The following PLPP4 variants were observed in gnomAD, a reference collection of about 807,000 sequenced individuals.
PLPP4 encodes phospholipid phosphatase 4, also known as diacylglycerol pyrophosphate like 2.
A neutral mutation model predicts 32.2 loss-of-function variants in PLPP4; 20 were observed. The observed-to-expected ratio is 0.62, with a 90% CI of 0.44 to 0.90. PLPP4 has a LOEUF of 0.90. PLPP4 is among the 40% of genes least tolerant of loss of function. The pLI is 0.00. For synonymous variants in PLPP4, 127 were observed against 133.0 expected, an observed-to-expected ratio of 0.95 and a Z score of 0.31; for missense variants, 257 against 353.1, an observed-to-expected ratio of 0.73 and a Z score of 2.18.
At chr10:120,588,035 A>T (rs895275723) in intron 6 of PLPP4, among the ~76,000 whole-genome samples, 1 of 152,240 alleles carries the variant, frequency 6.6e-6, no homozygotes, top group African/African-American at 2.4e-5. Context: ...ATCACGGACC[A>T]GTGCAACTGC....
At chr10:120,516,493 C>T (rs1364997595) in intron 3 of PLPP4, among the ~76,000 whole-genome samples, 4 of 119,628 alleles carry the variant, frequency 3.3e-5, no homozygotes, top group African/African-American at 1.3e-4. Flanking sequence ...TATAAAAGCA[C>T]GATAGTGCTG....
At chr10:120,580,867 G>A (rs1297472737) in intron 6 of PLPP4, 1 of 1,288,530 alleles carries the variant, frequency 7.8e-7, no homozygotes, top group South Asian at 1.2e-5. Context: ...CAGCCCAAGT[G>A]AATTGATGTC....
chr10:120,545,444 T>A (rs370120759), intron 5 of PLPP4, among the ~76,000 whole-genome samples: 10 of 152,220 alleles, frequency 6.6e-5, no homozygotes, highest in East Asian at 3.8e-4. Flanking sequence ...GCCCTGATAG[T>A]TTTTCTGGCC....
At chr10:120,463,026 T>C (rs1206444403) in intron 1 of PLPP4, among the ~76,000 whole-genome samples, 4 of 141,998 alleles carry the variant, frequency 2.8e-5, no homozygotes, top group South Asian at 2.4e-4. Context: ...TTTCTTTTTT[T>C]TTTTTTTTTT....
intron 5 of PLPP4, among the ~76,000 whole-genome samples, chr10:120,545,593 CTCT>C (rs979364969): frequency 4.6e-5 from 7 of 152,198 alleles, no homozygotes; most frequent in Non-Finnish European, 8.8e-5. Context: ...CTCACTTGTC[CTCT>C]TCTGCTGGTA....
intron 6 of PLPP4, among the ~76,000 whole-genome samples, chr10:120,580,115 CAAAAAAA>C (rs10609637): frequency 0.25 from 22,981 of 92,558 alleles, 2,062 homozygotes; most frequent in Middle Eastern, 0.34. Context: ...GCGAGACTCT[CAAAAAAA>C]AAAAAAAAAA....
At chr10:120,559,605 G>A (rs1589880573) in intron 5 of PLPP4, among the ~76,000 whole-genome samples, 1 of 151,376 alleles carries the variant, frequency 6.6e-6, no homozygotes, top group Non-Finnish European at 1.5e-5. Context: ...CTGTGAGGGT[G>A]CACTTATATG....
In PLPP4 at chr10:120,524,878, G is replaced by T. The variant is rs952190134; in HGVS notation, c.445+3783G>T. Among the ~76,000 whole-genome samples, 3 of 152,194 alleles carry T rather than the reference G, an allele frequency of 2.0e-5. No homozygotes were observed. In the South Asian group the frequency reaches 6.2e-4, roughly 31 times the overall value. On this transcript the variant is annotated intron_variant, in intron 5 of 6. Transcript: ENST00000398250. ...GAAAAGAGAATTTGTCTCTCAGAGC[G>T]TAATCCCGATTTTTTATTGAGTACT... is the stretch of plus-strand genomic sequence containing the variant.
chr10:120,486,739 A>C (rs1399257355), intron 1 of PLPP4, among the ~76,000 whole-genome samples: 1 of 152,146 alleles, frequency 6.6e-6, no homozygotes, highest in Non-Finnish European at 1.5e-5. Flanking sequence ...AGTGGTGTCC[A>C]CTCCTTGACC....
intron 1 of PLPP4, among the ~76,000 whole-genome samples, chr10:120,479,043 G>A (rs918304682): frequency 3.5e-4 from 54 of 152,262 alleles, no homozygotes; most frequent in Middle Eastern, 3.4e-3. Context: ...TGGCTAACAT[G>A]GTGAAACCCC....
intron 1 of PLPP4, among the ~76,000 whole-genome samples, chr10:120,459,135 C>A (rs1384739547): frequency 6.6e-6 from 1 of 152,178 alleles, no homozygotes; most frequent in Admixed American, 6.5e-5. Flanking sequence ...GTAATTATTG[C>A]TTATGCGCGT....
At chr10:120,471,306 G>A (rs1020720645) in intron 1 of PLPP4, among the ~76,000 whole-genome samples, 1 of 151,474 alleles carries the variant, frequency 6.6e-6, no homozygotes, top group African/African-American at 2.4e-5. Flanking sequence ...TTCTTTTTGT[G>A]GTGCTTTATT....
chr10:120,551,236 G>A (rs181750593), intron 5 of PLPP4, among the ~76,000 whole-genome samples: 7 of 152,284 alleles, frequency 4.6e-5, no homozygotes, highest in African/African-American at 1.7e-4. Context: ...ATGCCAAAAT[G>A]TTGATGGGTA....
intron 1 of PLPP4, among the ~76,000 whole-genome samples, chr10:120,462,220 G>A (rs1355449013): frequency 6.6e-6 from 1 of 151,852 alleles, no homozygotes; most frequent in East Asian, 1.9e-4. Flanking sequence ...GCCTCAGTGT[G>A]GGCTTTGGGG....
chr10:120,502,388 C>T (rs1845296021), intron 1 of PLPP4, among the ~76,000 whole-genome samples: 1 of 152,122 alleles, frequency 6.6e-6, no homozygotes, highest in African/African-American at 2.4e-5. Flanking sequence ...GAGAGAGACA[C>T]AGCAGATGGG....
chr10:120,528,957 T>A (rs1290170873), intron 5 of PLPP4, among the ~76,000 whole-genome samples: 1 of 146,950 alleles, frequency 6.8e-6, no homozygotes, highest in Non-Finnish European at 1.5e-5. Flanking sequence ...ATCAGCATAC[T>A]AGGCAAGAGC....
chr10:120,521,235 T>G, intron 5 of PLPP4, 140 bp downstream of exon 5: 1 of 1,055,772 alleles, frequency 9.5e-7, no homozygotes, highest in East Asian at 2.6e-5. Flanking sequence ...GGCGTTTGAC[T>G]TAGAAACAAG....
intron 6 of PLPP4, among the ~76,000 whole-genome samples, chr10:120,586,124 T>A (rs1849741186): frequency 9.4e-6 from 1 of 106,750 alleles, no homozygotes; most frequent in Non-Finnish European, 1.9e-5. Flanking sequence ...CTCTTTTCTT[T>A]TTCTTTTTTT....
At chr10:120,585,557 A>G (rs1448032623) in intron 6 of PLPP4, among the ~76,000 whole-genome samples, 1 of 152,222 alleles carries the variant, frequency 6.6e-6, no homozygotes, top group Non-Finnish European at 1.5e-5. Context: ...GGCATGCTCC[A>G]TGAAATAATC....
Sources: gnomAD v4.1 joint callset for allele counts (sites outside exome capture counted in the v4.1 genomes callset) on GRCh38, gnomAD v4.1.1 for gene constraint, MANE v1.5 for transcripts, NCBI Gene and HGNC (gene_info 2026-07-23, HGNC 2026-07-21) for gene names.